Variants in CREB5 observed in about 807,000 individuals in gnomAD.
CREB5 encodes cyclic AMP-responsive element-binding protein 5.
A neutral mutation model predicts 57.1 loss-of-function variants in CREB5; 19 were observed. The ratio of observed to expected loss-of-function variants is 0.33; its 90% CI spans 0.23 to 0.49. CREB5 has a LOEUF of 0.49. Among genes scored for constraint, CREB5 ranks in the 20% least tolerant of loss-of-function variants. The probability of loss-of-function intolerance (pLI) is 0.99; values close to 1 mark genes in which losing one functional copy is unlikely to be tolerated. For synonymous variants in CREB5, 238 were observed against 238.3 expected (o/e 1.00, Z 0.01); for missense variants, 579 against 671.6 (o/e 0.86, Z 1.52).
In CREB5 at chr7:28,718,756, T is replaced by G; in HGVS notation, c.468T>G (p.Pro156=). The change falls in exon 6 of 11, where the codon CCT becomes CCG. Residue 156 remains proline (P), a synonymous_variant. Transcript: ENST00000357727. The part of the protein sequence containing the change: ...QAPSTNRQIG[P]VPGSLSSLLH... ...TTTGTTTTTTTCTTTGTCCCAGGCCTGTCCCAGGCTCTCTATCTTCTCTGC... is the reference window on the plus strand; with the variant it reads ...TTTGTTTTTTTCTTTGTCCCAGGCCGGTCCCAGGCTCTCTATCTTCTCTGC... 1 of 1,613,878 alleles carries G rather than the reference T, an allele frequency of 6.2e-7. No homozygotes were observed. Among genetic ancestry groups the G allele is most frequent in the Non-Finnish European group, 8.5e-7 (1 of 1,179,900 alleles).
chr7:28,352,416 TG>T (rs1786214816), intron 1 of CREB5, among the ~76,000 whole-genome samples: 1 of 152,218 alleles, frequency 6.6e-6, no homozygotes, highest in Non-Finnish European at 1.5e-5. Flanking sequence ...ATTTTTTAGT[TG>T]TAAGTATGAA....
chr7:28,324,947 C>T (rs374077093), intron 1 of CREB5, among the ~76,000 whole-genome samples: 5 of 152,124 alleles, frequency 3.3e-5, no homozygotes, highest in African/African-American at 9.7e-5. Context: ...TTTTCTTTAC[C>T]TTTCTATGTC....
intron 4 of CREB5, among the ~76,000 whole-genome samples, chr7:28,520,672 A>C (rs571148643): frequency 3.3e-5 from 5 of 152,246 alleles, no homozygotes; most frequent in African/African-American, 1.2e-4. Context: ...TAGAAAGACT[A>C]TCTCTGAGAT....
At chr7:28,417,451 T>C (rs988669171) in intron 1 of CREB5, among the ~76,000 whole-genome samples, 1 of 151,942 alleles carries the variant, frequency 6.6e-6, no homozygotes, top group Non-Finnish European at 1.5e-5. Context: ...GTGCTCAATA[T>C]CCACGTGTGG....
chr7:28,543,637 G>A lies in CREB5; in HGVS notation c.292-26728G>A, dbSNP rs1018376965. Among the ~76,000 whole-genome samples the A allele has an allele frequency of 2.6e-5, 4 of 151,262 alleles. No individual in the cohort carries two copies. The South Asian group carries it at 8.4e-4, about 32-fold the overall frequency. On this transcript the variant is annotated intron_variant, in intron 4 of 10. Coordinates refer to ENST00000357727, the MANE Select transcript of CREB5 (RefSeq NM_182898.4). ...AGGATGACTCTGGTTGAAAAGATGG[G>A]CTTGAATGAGCCAGATCTTATCAGA...
intron 7 of CREB5, among the ~76,000 whole-genome samples, chr7:28,800,623 A>C (rs1453635718): frequency 6.6e-6 from 1 of 152,204 alleles, no homozygotes; most frequent in Non-Finnish European, 1.5e-5. Context: ...GGAGATGAAG[A>C]TGCTGAGCCC....
intron 7 of CREB5, among the ~76,000 whole-genome samples, chr7:28,738,930 C>T (rs540629430): frequency 6.6e-6 from 1 of 152,102 alleles, no homozygotes; most frequent in Admixed American, 6.5e-5. Context: ...TTTAAAATAC[C>T]AGTATTACAC....
chr7:28,705,496 CA>C lies in CREB5; in HGVS notation c.465-13256del, dbSNP rs148183392. Among the ~76,000 whole-genome samples, 455 of 152,212 alleles carry C rather than the reference CA, an allele frequency of 3.0e-3. 4 individuals carry two copies. The highest frequency in any genetic ancestry group is 0.01 in the African/African-American group (431 of 41,516). The stretch of plus-strand genomic sequence containing the variant: ...TTTGCATGTTCTTTAAGTGTACTGT[CA>C]GTCACTTTCCGTTTCTATTTATACT... On this transcript the variant is annotated intron_variant, in intron 5 of 10. Transcript: ENST00000357727.
At chr7:28,548,729 C>T (rs1794511112) in intron 4 of CREB5, among the ~76,000 whole-genome samples, 1 of 152,142 alleles carries the variant, frequency 6.6e-6, no homozygotes, top group Non-Finnish European at 1.5e-5. Flanking sequence ...GTCCTAAGGG[C>T]CAATTAGCCC....
intron 5 of CREB5, among the ~76,000 whole-genome samples, chr7:28,686,597 A>G (rs1316090761): frequency 6.6e-6 from 1 of 152,196 alleles, no homozygotes; most frequent in East Asian, 1.9e-4. Flanking sequence ...GTCGCTCCTA[A>G]TCGGAGGAGA....
intron 5 of CREB5, among the ~76,000 whole-genome samples, chr7:28,656,275 A>G (rs1483301753): frequency 1.3e-5 from 2 of 152,236 alleles, no homozygotes; most frequent in Non-Finnish European, 2.9e-5. Context: ...CAAAGAAATT[A>G]TGAAGATGAA....
rs146381044 is a variant in CREB5, at chr7:28,450,762, C to T, written c.4-37413C>T. On this transcript the variant is annotated intron_variant, in intron 1 of 10. Transcript: ENST00000357727. ...TTAAGTCTTGGCAAAATTTATACAA[C>T]GGATTATAACATATATTCTCTGCAA... Among the ~76,000 whole-genome samples the T allele has an allele frequency of 2.8e-3, 433 of 152,306 alleles. 1 individual carries two copies. Among genetic ancestry groups the T allele is most frequent in the African/African-American group, 2.9e-3 (121 of 41,564 alleles).
At chr7:28,326,278 T>G (rs1331002775) in intron 1 of CREB5, among the ~76,000 whole-genome samples, 3 of 152,180 alleles carry the variant, frequency 2.0e-5, no homozygotes, top group Admixed American at 2.0e-4. Flanking sequence ...CTACATACTT[T>G]TTTAAACCAA....
At chr7:28,402,814 A>G (rs943563060) in intron 1 of CREB5, among the ~76,000 whole-genome samples, 1 of 152,248 alleles carries the variant, frequency 6.6e-6, no homozygotes, top group Non-Finnish European at 1.5e-5. Context: ...AAAAGCCAAA[A>G]TTGACAAATG....
chr7:28,612,039 C>G (rs1180013147), intron 5 of CREB5, among the ~76,000 whole-genome samples: 1 of 152,156 alleles, frequency 6.6e-6, no homozygotes, highest in Non-Finnish European at 1.5e-5. Flanking sequence ...GTAGTCAGCT[C>G]CAACCTATGA....
chr7:28,739,311 T>C (rs1804205865), intron 7 of CREB5, among the ~76,000 whole-genome samples: 1 of 152,180 alleles, frequency 6.6e-6, no homozygotes, highest in African/African-American at 2.4e-5. Flanking sequence ...GGCTAGCATA[T>C]GGGCCCACAT....
At chr7:28,406,896 C>T (rs950077780) in intron 1 of CREB5, among the ~76,000 whole-genome samples, 1 of 143,976 alleles carries the variant, frequency 6.9e-6, no homozygotes, top group East Asian at 2.1e-4. Context: ...GGTAAAGGTT[C>T]CCTTTTCATT....
At position 28,612,346 on chromosome 7, in the gene CREB5, G is replaced by T. The variant is rs532725250; in HGVS notation, c.464+41809G>T. 2.0e-5 allele frequency among the ~76,000 whole-genome samples: 3 copies of T among 152,110 alleles called. No homozygotes were observed. In the East Asian group the frequency reaches 5.8e-4, roughly 29 times the overall value. ...TATGGGCAACACCTACAAGCCGTGG[G>T]TCTCTCATTTCCCAGAATGATAGTG... is the stretch of plus-strand genomic sequence containing the variant. On this transcript the variant is annotated intron_variant, in intron 5 of 10. Transcript: ENST00000357727.
intron 1 of CREB5, among the ~76,000 whole-genome samples, chr7:28,348,143 G>A (rs548265413): frequency 3.3e-5 from 5 of 152,124 alleles, no homozygotes; most frequent in African/African-American, 9.7e-5. Flanking sequence ...CAGAGGTTTC[G>A]TGTGCACAGG....
Sources: gnomAD v4.1 joint callset for allele counts (sites outside exome capture counted in the v4.1 genomes callset) on GRCh38, gnomAD v4.1.1 for gene constraint, MANE v1.5 for transcripts, NCBI Gene and HGNC (gene_info 2026-07-23, HGNC 2026-07-21) for gene names.